CERS3: variants seen among roughly 807,000 people sequenced by gnomAD.
The protein encoded by CERS3 is LAG1 homolog, ceramide synthase 3.
In CERS3, 33 loss-of-function variants were observed where a neutral mutation model predicts 50.3. The ratio of observed to expected loss-of-function variants is 0.66; its 90% CI spans 0.50 to 0.88. The LOEUF (loss-of-function observed/expected upper bound fraction) is 0.88, where lower values mean the gene tolerates loss of function less well. CERS3 is among the 40% of genes least tolerant of loss of function. The pLI is 0.00. For missense variants in CERS3, 470 were observed against 460.3 expected (o/e 1.02, Z -0.19); for synonymous variants, 176 against 155.2 (o/e 1.13, Z -0.99).
rs1311497771 is a variant in CERS3 at position 100,402,949 on chromosome 15, T to C, written c.1000-84A>G. The C allele has an allele frequency of 2.2e-6, 3 of 1,374,640 alleles. No individual in the cohort carries two copies. The East Asian group carries it at 7.5e-5, about 34-fold the overall frequency. The allele number at this position is 1,374,640 out of a possible 1,614,324, so 85.2% of individuals were successfully genotyped here. A position where few individuals can be genotyped will look rare whatever the true frequency, so the allele number is the denominator to read the frequency against. On this transcript the variant is annotated intron_variant, in intron 11 of 11. Transcript: ENST00000679737. ...ATCTGCCAACAGCCAGTTTCAAGTA[T>C]GGCTCCCTTTAAGGAAAACCCAATA...
intron 11 of CERS3, among the ~76,000 whole-genome samples, chr15:100,431,645 G>C (rs2033139330): frequency 6.6e-6 from 1 of 152,214 alleles, no homozygotes; most frequent in South Asian, 2.1e-4. Context: ...CCAGTGGGGA[G>C]AAGACACATG....
At chr15:100,436,825 C>G (rs2033431658) in intron 11 of CERS3, among the ~76,000 whole-genome samples, 1 of 151,818 alleles carries the variant, frequency 6.6e-6, no homozygotes, top group Non-Finnish European at 1.5e-5. Flanking sequence ...GTCAGTTTGC[C>G]TAAAATTAAG....
intron 5 of CERS3, among the ~76,000 whole-genome samples, chr15:100,484,056 G>C (rs894105758): frequency 2.0e-5 from 3 of 151,902 alleles, no homozygotes; most frequent in African/African-American, 7.3e-5. Flanking sequence ...CCCTACAGGA[G>C]GGCTGGGGTC....
At chr15:100,530,192 G>A (rs1407879689), upstream of CERS3, among the ~76,000 whole-genome samples, 1 of 152,198 alleles carries the variant, frequency 6.6e-6, no homozygotes, top group African/African-American at 2.4e-5. Context: ...CTTCTGCCAG[G>A]AGACCACTGC....
intron 4 of CERS3, among the ~76,000 whole-genome samples, chr15:100,488,110 T>C (rs1163993912): frequency 6.6e-6 from 1 of 152,176 alleles, no homozygotes; most frequent in African/African-American, 2.4e-5. Flanking sequence ...CCTGCATAGA[T>C]ACAATCATAA....
chr15:100,418,035 C>T (rs1013174728), intron 11 of CERS3, among the ~76,000 whole-genome samples: 1 of 152,080 alleles, frequency 6.6e-6, no homozygotes, highest in African/African-American at 2.4e-5. Context: ...TCTCCTCCTC[C>T]AAAGGAATGC....
intron 1 of CERS3, among the ~76,000 whole-genome samples, chr15:100,539,397 C>T (rs184524226): frequency 3.3e-5 from 5 of 152,274 alleles, no homozygotes; most frequent in Admixed American, 3.3e-4. Flanking sequence ...TAAAGAACTG[C>T]TCAAGACTGG....
chr15:100,544,419 G>A (rs2037296709), intron 1 of CERS3: 1 of 119,662 alleles, frequency 8.4e-6, no homozygotes, highest in Non-Finnish European at 1.8e-5. Context: ...CCCTCTCTCG[G>A]CCTTGACCTG....
chr15:100,436,738 T>C (rs2033425858), intron 11 of CERS3, among the ~76,000 whole-genome samples: 2 of 152,198 alleles, frequency 1.3e-5, no homozygotes, highest in Non-Finnish European at 1.5e-5. Context: ...ACACCAGCTA[T>C]AGGGGATTCT....
chr15:100,465,181 G>C (rs1387421678), intron 10 of CERS3, among the ~76,000 whole-genome samples: 2 of 152,048 alleles, frequency 1.3e-5, no homozygotes, highest in African/African-American at 4.8e-5. Context: ...AGAGCAACTA[G>C]ATTGCAAACT....
At chr15:100,440,464 C>T (rs1393846756) in intron 11 of CERS3, among the ~76,000 whole-genome samples, 1 of 152,202 alleles carries the variant, frequency 6.6e-6, no homozygotes, top group African/African-American at 2.4e-5. Flanking sequence ...CCTTTACCTA[C>T]CCAAATCCTA....
chr15:100,459,879 C>T (rs2587804), intron 10 of CERS3, among the ~76,000 whole-genome samples: 2 of 151,604 alleles, frequency 1.3e-5, no homozygotes, highest in Non-Finnish European at 2.9e-5. Context: ...CTATTTATAT[C>T]TCTTATTGGT....
At chr15:100,543,501 TC>T (rs1272352289) in intron 1 of CERS3, among the ~76,000 whole-genome samples, 1 of 146,226 alleles carries the variant, frequency 6.8e-6, no homozygotes, top group African/African-American at 2.7e-5. Context: ...CTTCCTTCCT[TC>T]CCTCCCTTCC....
chr15:100,481,518 G>T (rs2035300966), intron 5 of CERS3, among the ~76,000 whole-genome samples: 1 of 152,210 alleles, frequency 6.6e-6, no homozygotes, highest in South Asian at 2.1e-4. Context: ...CACAAATGAA[G>T]CCAAAAGTGT....
intron 2 of CERS3, among the ~76,000 whole-genome samples, chr15:100,506,817 G>A (rs537438102): frequency 2.0e-5 from 3 of 152,144 alleles, no homozygotes; most frequent in African/African-American, 7.2e-5. Context: ...GATGGGTACA[G>A]GGTTTCTTTT....
At chr15:100,462,334 A>G (rs2034576023) in intron 10 of CERS3, among the ~76,000 whole-genome samples, 1 of 152,228 alleles carries the variant, frequency 6.6e-6, no homozygotes, top group Non-Finnish European at 1.5e-5. Flanking sequence ...CAGTGTTGGT[A>G]TAAATATTAG....
At chr15:100,517,210 C>A (rs765404582) in intron 2 of CERS3, among the ~76,000 whole-genome samples, 2 of 152,320 alleles carry the variant, frequency 1.3e-5, no homozygotes, top group South Asian at 4.1e-4. Flanking sequence ...AAATAAAGTA[C>A]ATCATGTGTC....
chr15:100,484,683 A>G lies in CERS3; in HGVS notation c.289-15T>C, dbSNP rs1172736005. The G allele has an allele frequency of 6.4e-7, 1 of 1,554,678 alleles. No homozygotes were observed. The highest frequency in any genetic ancestry group is 8.9e-7 in the Non-Finnish European group (1 of 1,125,992). ...TAAATATCAGTCTGAAAAGGGATGA[A>G]ACGCATAAATGAGTGATAAAGAACA... On this transcript the variant is annotated splice_polypyrimidine_tract_variant and intron_variant, in intron 4 of 11. Coordinates refer to ENST00000679737, the MANE Select transcript of CERS3 (RefSeq NM_001378789.1).
intron 9 of CERS3, among the ~76,000 whole-genome samples, chr15:100,471,253 A>G (rs904091992): frequency 5.9e-5 from 9 of 151,880 alleles, no homozygotes; most frequent in African/African-American, 2.2e-4. Context: ...TTTTTAACCT[A>G]AGGACCTCAG....
Sources: gnomAD v4.1 joint callset for allele counts (sites outside exome capture counted in the v4.1 genomes callset) on GRCh38, gnomAD v4.1.1 for gene constraint, MANE v1.5 for transcripts, NCBI Gene and HGNC (gene_info 2026-07-23, HGNC 2026-07-21) for gene names.